The following CRACDL variants were observed in gnomAD, a reference collection of about 807,000 sequenced individuals.
The protein encoded by CRACDL is CRACD like.
CRACDL carries 26 observed loss-of-function variants against 70.6 expected under a neutral mutation model. The ratio of observed to expected loss-of-function variants is 0.37; its 90% CI spans 0.27 to 0.51. The LOEUF is 0.51. Among genes scored for constraint, CRACDL ranks in the 20% least tolerant of loss-of-function variants. The pLI, the probability that CRACDL is intolerant of heterozygous loss-of-function variation, is 0.94. For synonymous variants in CRACDL, 618 were observed against 615.2 expected, an observed-to-expected ratio of 1.00 and a Z score of -0.07; for missense variants, 1,283 against 1,376.9, an observed-to-expected ratio of 0.93 and a Z score of 1.08.
At chr2:98,881,436 C>T (rs1022648047) in intron 1 of CRACDL, among the ~76,000 whole-genome samples, 1 of 152,250 alleles carries the variant, frequency 6.6e-6, no homozygotes, top group African/African-American at 2.4e-5. Flanking sequence ...TTCTCAACCC[C>T]AGCTGCACAT....
chr2:98,819,288 T>C (rs1027555508), intron 7 of CRACDL, among the ~76,000 whole-genome samples: 2 of 152,226 alleles, frequency 1.3e-5, no homozygotes, highest in Non-Finnish European at 2.9e-5. Context: ...GAGCTTGATA[T>C]TCTGTTTTTA....
intron 7 of CRACDL, among the ~76,000 whole-genome samples, chr2:98,803,037 T>C (rs1704143837): frequency 6.6e-6 from 1 of 150,454 alleles, no homozygotes. Flanking sequence ...TCTCGCTCTG[T>C]TGCCCAGGCT....
intron 1 of CRACDL, among the ~76,000 whole-genome samples, chr2:98,911,760 G>A (rs1462621153): frequency 6.6e-6 from 1 of 152,048 alleles, no homozygotes; most frequent in Non-Finnish European, 1.5e-5. Context: ...GGGCCACCCC[G>A]AGAACCTGAG....
chr2:98,823,008 G>A lies in CRACDL; in HGVS notation c.1265C>T (p.Ser422Leu), dbSNP rs753284324. ...CCCGTCGCGAGCAGAGGGCGCCTCTGAGGTGGCGGCGGGGTCAGTCTCGGG... is the reference window on the plus strand; with the variant it reads ...CCCGTCGCGAGCAGAGGGCGCCTCTAAGGTGGCGGCGGGGTCAGTCTCGGG... ...TPPETDPAATSEAPSARDGPE... is the reference protein window; with the variant it reads ...TPPETDPAATLEAPSARDGPE... Residue 422 changes from serine (S) to leucine (L), a missense_variant, in exon 7 of 10, where the codon TCA becomes TTA. Physicochemically the swap from Ser to Leu is moderately radical, Grantham distance 145. Coordinates refer to ENST00000397899, the MANE Select transcript of CRACDL (RefSeq NM_207362.3). This position sits in a 1 kb window ranked among gnomAD's most constrained non-coding sequence, Gnocchi z 4.0. 8.6e-5 allele frequency: 131 copies of A among 1,515,662 alleles called. No individual in the cohort carries two copies. In the Admixed American group the frequency reaches 2.7e-3, roughly 31 times the overall value. 93.9% of individuals were successfully genotyped at this position (1,515,662 alleles called of 1,614,324 possible).
chr2:98,796,607 A>T (rs2104391948), intron 8 of CRACDL, among the ~76,000 whole-genome samples: 1 of 152,296 alleles, frequency 6.6e-6, no homozygotes, highest in Admixed American at 6.5e-5. Context: ...AGATGTCCCA[A>T]ACTGGTTACT....
chr2:98,906,771 T>C (rs1162379660), intron 1 of CRACDL, among the ~76,000 whole-genome samples: 5 of 152,210 alleles, frequency 3.3e-5, no homozygotes, highest in African/African-American at 1.2e-4. Flanking sequence ...ATGCTGGATA[T>C]TGCAGATAAT....
intron 8 of CRACDL, 146 bp from the exon 9 acceptor site, chr2:98,796,410 A>C (rs1703824202): frequency 1.4e-6 from 1 of 721,882 alleles, no homozygotes; most frequent in Non-Finnish European, 2.3e-6. Context: ...GTGTCAGCTC[A>C]CTAACACCGA....
intron 1 of CRACDL, among the ~76,000 whole-genome samples, chr2:98,928,461 T>A (rs1708989530): frequency 1.3e-5 from 2 of 152,002 alleles, no homozygotes; most frequent in South Asian, 4.2e-4. Context: ...GTGAGGGAAA[T>A]CTCTAGTCTG....
intron 7 of CRACDL, among the ~76,000 whole-genome samples, chr2:98,800,304 T>A (rs375572509): frequency 6.6e-6 from 1 of 152,120 alleles, no homozygotes; most frequent in African/African-American, 2.4e-5. Flanking sequence ...GCCTTCTGGG[T>A]TGGGATCTGG....
intron 1 of CRACDL, among the ~76,000 whole-genome samples, chr2:98,899,734 T>A (rs748106105): frequency 6.6e-6 from 1 of 152,178 alleles, no homozygotes; most frequent in South Asian, 2.1e-4. Context: ...TTAAGAAGTA[T>A]GTCTGAGAAG....
intron 1 of CRACDL, among the ~76,000 whole-genome samples, chr2:98,915,865 C>G (rs1428850934): frequency 6.6e-6 from 1 of 152,196 alleles, no homozygotes; most frequent in Non-Finnish European, 1.5e-5. Flanking sequence ...AATCAAAGCT[C>G]TGACCATGAG....
chr2:98,911,119 G>A (rs957523479), intron 1 of CRACDL, among the ~76,000 whole-genome samples: 7 of 152,156 alleles, frequency 4.6e-5, no homozygotes, highest in Admixed American at 1.3e-4. Flanking sequence ...AGACCCCCAC[G>A]CCCGTGCTCC....
At chr2:98,795,447 G>A (rs1422308842) in intron 9 of CRACDL, among the ~76,000 whole-genome samples, 1 of 151,980 alleles carries the variant, frequency 6.6e-6, no homozygotes, top group Non-Finnish European at 1.5e-5. Flanking sequence ...AGTGAAAGAC[G>A]CCAGATATAA....
intron 1 of CRACDL, among the ~76,000 whole-genome samples, chr2:98,892,240 T>C (rs1228339724): frequency 6.6e-6 from 1 of 152,170 alleles, no homozygotes; most frequent in African/African-American, 2.4e-5. Flanking sequence ...TGAATAAATA[T>C]ATTCCCAGCA....
At chr2:98,886,848 T>C (rs535819153) in intron 1 of CRACDL, among the ~76,000 whole-genome samples, 1 of 152,212 alleles carries the variant, frequency 6.6e-6, no homozygotes, top group Admixed American at 6.5e-5. Flanking sequence ...AGCAAAAAAT[T>C]ACAAGATATA....
intron 1 of CRACDL, among the ~76,000 whole-genome samples, chr2:98,857,327 T>G (rs899111541): frequency 2.6e-5 from 4 of 152,200 alleles, no homozygotes; most frequent in African/African-American, 9.6e-5. Context: ...CTTCTATTAG[T>G]TTCTTTAAAA....
intron 1 of CRACDL, among the ~76,000 whole-genome samples, chr2:98,899,481 T>C (rs563035450): frequency 1.3e-5 from 2 of 152,116 alleles, no homozygotes; most frequent in South Asian, 2.1e-4. Flanking sequence ...TGTGATCCCA[T>C]GTGTGTGGAA....
At chr2:98,850,009 A>G (rs189293050) in intron 1 of CRACDL, among the ~76,000 whole-genome samples, 1 of 152,328 alleles carries the variant, frequency 6.6e-6, no homozygotes, top group East Asian at 1.9e-4. Context: ...CGGTTTCTGC[A>G]GCCCACTCCT....
In CRACDL at chr2:98,823,288, CG is replaced by C; in HGVS notation, c.984del (p.Glu330ArgfsTer169). Reference protein sequence around the residue: ...LTASVEEGGVPGEDPSSRPAT... With the variant: ...LTASVEEGGVXGEDPSSRPAT... ...GCCGGGCGGCTTGAGGGGTCCTCCC[CG>C]GGGACGCCCCCCTCCTCCACGCTGG... On this transcript the variant is annotated frameshift_variant, in exon 7 of 10. Transcript: ENST00000397899. LOFTEE classifies it high-confidence loss of function. The surrounding 1 kb of genome is among the most constrained non-coding windows in gnomAD (Gnocchi z 4.0). The C allele has an allele frequency of 7.0e-7, 1 of 1,419,224 alleles. No individual in the cohort carries two copies. Among genetic ancestry groups the C allele is most frequent in the Non-Finnish European group, 9.1e-7 (1 of 1,097,556 alleles). The allele number at this position is 1,419,224 out of a possible 1,614,324, so 87.9% of individuals were successfully genotyped here. A position where few individuals can be genotyped will look rare whatever the true frequency, so the allele number is the denominator to read the frequency against.
Sources: allele counts gnomAD v4.1 joint callset (sites outside exome capture counted in the v4.1 genomes callset), GRCh38; gene constraint gnomAD v4.1.1; non-coding constraint Gnocchi (gnomAD v3.1); transcripts MANE v1.5; gene names NCBI Gene and HGNC (gene_info 2026-07-23, HGNC 2026-07-21).